Variants in PTPRG observed in about 807,000 individuals in gnomAD.
PTPRG encodes receptor-type tyrosine-protein phosphatase gamma.
PTPRG carries 102 observed loss-of-function variants against 165.3 expected under a neutral mutation model. The ratio of observed to expected loss-of-function variants is 0.62; its 90% CI spans 0.53 to 0.73. PTPRG has a LOEUF of 0.73. PTPRG is among the 30% of genes least tolerant of loss of function. The pLI, the probability that PTPRG is intolerant of heterozygous loss-of-function variation, is 0.00. For missense variants in PTPRG, 1,866 were observed against 1,861.4 expected (o/e 1.00, Z -0.05); for synonymous variants, 675 against 669.5 (o/e 1.01, Z -0.13).
At chr3:61,590,626 A>T (rs1325351277) in intron 1 of PTPRG, among the ~76,000 whole-genome samples, 1 of 152,224 alleles carries the variant, frequency 6.6e-6, no homozygotes, top group Non-Finnish European at 1.5e-5. Flanking sequence ...GCCCTAGAGT[A>T]TGAAGAGATT....
chr3:61,961,037 T>C (rs1006519138), intron 2 of PTPRG, among the ~76,000 whole-genome samples: 2 of 152,172 alleles, frequency 1.3e-5, no homozygotes, highest in African/African-American at 2.4e-5. Context: ...GGCTTCATTA[T>C]GATGATATGT....
chr3:61,707,469 A>T (rs969382050), intron 1 of PTPRG, among the ~76,000 whole-genome samples: 1 of 151,980 alleles, frequency 6.6e-6, no homozygotes, highest in Non-Finnish European at 1.5e-5. Flanking sequence ...TTTTTTTTCT[A>T]TTTCAGTCCA....
At chr3:62,106,745 G>A (rs1012448848) in intron 5 of PTPRG, among the ~76,000 whole-genome samples, 1 of 152,084 alleles carries the variant, frequency 6.6e-6, no homozygotes, top group African/African-American at 2.4e-5. Flanking sequence ...ATACCTCTAG[G>A]AACAGAAACA....
At chr3:61,723,231 G>A (rs866274926) in intron 1 of PTPRG, among the ~76,000 whole-genome samples, 4 of 151,998 alleles carry the variant, frequency 2.6e-5, no homozygotes, top group Middle Eastern at 3.2e-3. Flanking sequence ...ATGATTGACA[G>A]GAAGTTACAG....
At chr3:61,672,043 C>CG (rs756308178) in intron 1 of PTPRG, among the ~76,000 whole-genome samples, 203 of 131,322 alleles carry the variant, frequency 1.5e-3, no homozygotes, top group Middle Eastern at 4.0e-3. Flanking sequence ...ACTTCTCAGA[C>CG]GGGGCGGCTG....
intron 8 of PTPRG, among the ~76,000 whole-genome samples, chr3:62,181,338 C>G (rs1362950036): frequency 2.6e-5 from 4 of 152,202 alleles, no homozygotes; most frequent in Non-Finnish European, 5.9e-5. Flanking sequence ...TTGGGCCACT[C>G]TCCTCCTCAT....
At chr3:61,718,213 C>CAAAAAAA (rs376955925) in intron 1 of PTPRG, among the ~76,000 whole-genome samples, 1 of 102,444 alleles carries the variant, frequency 9.8e-6, no homozygotes, top group Admixed American at 1.0e-4. Flanking sequence ...AAACAAAAAC[C>CAAAAAAA]AAAAAAAAAA....
chr3:62,051,894 G>A (rs191334772), intron 4 of PTPRG, among the ~76,000 whole-genome samples: 2 of 152,262 alleles, frequency 1.3e-5, no homozygotes, highest in East Asian at 3.9e-4. Context: ...TCAACATATT[G>A]CAATCAACTG....
At chr3:61,661,325 T>G (rs1401844618) in intron 1 of PTPRG, among the ~76,000 whole-genome samples, 12 of 152,030 alleles carry the variant, frequency 7.9e-5, no homozygotes, top group Non-Finnish European at 2.9e-5. Flanking sequence ...GTTTCCTTTT[T>G]TTTTTTTAAA....
chr3:61,942,468 T>C (rs1353222409), intron 2 of PTPRG, among the ~76,000 whole-genome samples: 1 of 152,268 alleles, frequency 6.6e-6, no homozygotes, highest in African/African-American at 2.4e-5. Context: ...TCATTTTGTC[T>C]ATATTATTGA....
At chr3:61,969,449 T>C (rs893808533) in intron 2 of PTPRG, among the ~76,000 whole-genome samples, 5 of 152,220 alleles carry the variant, frequency 3.3e-5, no homozygotes, top group African/African-American at 1.2e-4. Context: ...ATACAATCTT[T>C]TGGGTACACA....
intron 6 of PTPRG, among the ~76,000 whole-genome samples, chr3:62,148,886 A>G (rs1704220004): frequency 6.6e-6 from 1 of 152,208 alleles, no homozygotes; most frequent in South Asian, 2.1e-4. Flanking sequence ...GGTGGTAGAA[A>G]GATGGGCATA....
intron 2 of PTPRG, among the ~76,000 whole-genome samples, chr3:61,898,034 A>G (rs1427810282): frequency 1.3e-5 from 2 of 151,966 alleles, no homozygotes; most frequent in South Asian, 2.1e-4. Context: ...TTTCTGTATG[A>G]CTTTACTTCT....
At chr3:61,856,776 T>C (rs1398306835) in intron 2 of PTPRG, among the ~76,000 whole-genome samples, 1 of 152,214 alleles carries the variant, frequency 6.6e-6, no homozygotes, top group South Asian at 2.1e-4. Flanking sequence ...TATGCTGCTC[T>C]TGGAGGCCCT....
Position 62,184,494 on chromosome 3 carries a change from C to T in PTPRG, c.1034-6975C>T, listed in dbSNP as rs546362939. On this transcript the variant is annotated intron_variant, in intron 8 of 29. Transcript: ENST00000474889. ...TGAGGCCATTTCTCTGGAAATTTCC[C>T]TTAAAGGATTCCATATTTGAAGGTG... Among the ~76,000 whole-genome samples the T allele has an allele frequency of 3.9e-4, 59 of 152,318 alleles. 2 individuals are homozygous for T. In the South Asian group the frequency reaches 8.5e-3, roughly 22 times the overall value.
intron 1 of PTPRG, among the ~76,000 whole-genome samples, chr3:61,566,298 G>A (rs1159615066): frequency 6.6e-6 from 1 of 152,218 alleles, no homozygotes; most frequent in Non-Finnish European, 1.5e-5. Flanking sequence ...TCCAGCGAAT[G>A]CTGATGATTT....
intron 4 of PTPRG, among the ~76,000 whole-genome samples, chr3:62,029,538 TATTA>T (rs1032568451): frequency 1.3e-5 from 2 of 152,238 alleles, no homozygotes; most frequent in East Asian, 3.8e-4. Context: ...GTTATTTATT[TATTA>T]ATTTATCCAT....
intron 2 of PTPRG, among the ~76,000 whole-genome samples, chr3:61,821,345 ATTT>A (rs1018685050): frequency 1.3e-5 from 2 of 151,762 alleles, no homozygotes; most frequent in Admixed American, 6.6e-5. Context: ...ACTTTTTTGT[ATTT>A]TTAGTAGAGA....
chr3:61,797,581 A>ACCAACCCCCCCCCCCCC (rs2035088327), intron 2 of PTPRG, among the ~76,000 whole-genome samples: 1 of 127,376 alleles, frequency 7.9e-6, no homozygotes, highest in Admixed American at 8.1e-5. Context: ...TTATCTCCAC[A>ACCAACCCCCCCCCCCCC]CCCCCCCCCA....
Sources: gnomAD v4.1 joint callset for allele counts (sites outside exome capture counted in the v4.1 genomes callset) on GRCh38, gnomAD v4.1.1 for gene constraint, MANE v1.5 for transcripts, NCBI Gene and HGNC (gene_info 2026-07-23, HGNC 2026-07-21) for gene names.